NRXN2: variants seen among roughly 807,000 people sequenced by gnomAD.
NRXN2 encodes the protein neurexin-2-beta.
NRXN2 carries 29 observed loss-of-function variants against 128.8 expected under a neutral mutation model. The ratio of observed to expected loss-of-function variants is 0.23; its 90% CI spans 0.17 to 0.31. NRXN2 has a LOEUF of 0.31. Among genes scored for constraint, NRXN2 ranks in the 10% least tolerant of loss-of-function variants. The pLI is 1.00. For synonymous variants in NRXN2, 1,098 were observed against 1,075.2 expected (o/e 1.02, Z -0.41); for missense variants, 1,881 against 2,452.6 (o/e 0.77, Z 4.92).
chr11:64,661,017 G>C lies in NRXN2; in HGVS notation c.1921C>G (p.Leu641Val). The C allele has an allele frequency of 1.2e-6, 2 of 1,613,632 alleles. No homozygotes were observed. Among genetic ancestry groups the C allele is most frequent in the Non-Finnish European group, 1.7e-6 (2 of 1,179,988 alleles). ...LPEGGRVDLP[L>V]PPEVWTAALR... Reference sequence around the variant, plus strand: ...GCTGCTGTCCACACCTCTGGGGGCAGGGGCAGGTCCACCCGGCCCCCCTCA... The same window carrying C: ...GCTGCTGTCCACACCTCTGGGGGCACGGGCAGGTCCACCCGGCCCCCCTCA... The change falls in exon 10 of 23, where the codon CTG (leucine) becomes GTG (valine). Residue 641 changes from leucine (L) to valine (V), a missense_variant. Physicochemically the swap from Leu to Val is conservative, Grantham distance 32 (BLOSUM62 1). Transcript: ENST00000265459.
At position 64,661,018 on chromosome 11, in the gene NRXN2, G is replaced by A; in HGVS notation, c.1920C>T (p.Pro640=). The A allele has an allele frequency of 6.2e-7, 1 of 1,613,644 alleles. No individual in the cohort carries two copies. Among genetic ancestry groups the A allele is most frequent in the African/African-American group, 1.3e-5 (1 of 75,052 alleles). The change falls in exon 10 of 23, where the codon CCC becomes CCT. Residue 640 remains proline, a synonymous_variant. Transcript: ENST00000265459. Reference sequence around the variant, plus strand: ...CTGCTGTCCACACCTCTGGGGGCAGGGGCAGGTCCACCCGGCCCCCCTCAG... The same window carrying A: ...CTGCTGTCCACACCTCTGGGGGCAGAGGCAGGTCCACCCGGCCCCCCTCAG... ...GLPEGGRVDL[P]LPPEVWTAAL... is the part of the protein sequence containing the mutation.
At position 64,611,725 on chromosome 11, in the gene NRXN2, C is replaced by T. The variant is rs1286922532; in HGVS notation, c.4253-3643G>A. On this transcript the variant is annotated intron_variant, in intron 22 of 22. Transcript: ENST00000265459. ...AGCCTTCCTCTGCCCCCAGACTCCT[C>T]CCAGGCCTGCTCACATTGACCTCTT... Among the ~76,000 whole-genome samples the T allele has an allele frequency of 3.3e-5, 5 of 152,176 alleles. No individual in the cohort carries two copies. In the South Asian group the frequency reaches 8.3e-4, roughly 25 times the overall value.
At chr11:64,642,913 G>A (rs755800095) in intron 17 of NRXN2, 205 of 1,028,766 alleles carry the variant, frequency 2.0e-4, no homozygotes, top group Admixed American at 1.5e-3. Flanking sequence ...GCGGGGTAGG[G>A]ATGAAGCGGA....
chr11:64,697,733 G>T, intron 3 of NRXN2, 42 bp downstream of exon 3: 1 of 1,611,968 alleles, frequency 6.2e-7, no homozygotes, highest in East Asian at 2.2e-5. Context: ...GATCCCCATG[G>T]CAACAGATCC....
At chr11:64,669,973 C>A (rs2050407975) in intron 7 of NRXN2, among the ~76,000 whole-genome samples, 1 of 152,072 alleles carries the variant, frequency 6.6e-6, no homozygotes, top group Admixed American at 6.6e-5. Context: ...AGTCTATATG[C>A]ACATGCCACC....
At chr11:64,694,210 C>G (rs535356306) in intron 3 of NRXN2, among the ~76,000 whole-genome samples, 150 of 152,322 alleles carry the variant, frequency 9.8e-4, no homozygotes, top group Admixed American at 1.8e-3. Flanking sequence ...CCCACTCACT[C>G]CCCTGTGGTG....
rs2044628349 is a variant in NRXN2, at chr11:64,635,811, G to A, written c.3404-359C>T. The stretch of plus-strand genomic sequence containing the variant: ...GGAAAGACCCAGGGGGCCCAGTCCT[G>A]ACTAGCTCCACTTCTCCCAGGCCTG... On this transcript the variant is annotated intron_variant, in intron 17 of 22. Transcript: ENST00000265459. This position sits in a 1 kb window ranked among gnomAD's most constrained non-coding sequence, Gnocchi z 4.8. Among the ~76,000 whole-genome samples, 1 of 152,152 alleles carries A rather than the reference G, an allele frequency of 6.6e-6. No homozygotes were observed.
intron 22 of NRXN2, among the ~76,000 whole-genome samples, chr11:64,619,154 G>A (rs752290256): frequency 1.3e-5 from 2 of 151,798 alleles, no homozygotes; most frequent in Admixed American, 6.6e-5. Context: ...CGCAAGCACC[G>A]GCCCCAACCT....
At chr11:64,640,205 A>G (rs2045453880) in intron 17 of NRXN2, among the ~76,000 whole-genome samples, 1 of 152,066 alleles carries the variant, frequency 6.6e-6, no homozygotes, top group Non-Finnish European at 1.5e-5. Flanking sequence ...TAAGGCCAAC[A>G]TTCCATACCC....
rs1044810231 is a variant in NRXN2 at position 64,631,485 on chromosome 11, A to G, written c.3586-912T>C. Among the ~76,000 whole-genome samples the G allele has an allele frequency of 6.6e-6, 1 of 151,916 alleles. No homozygotes were observed. Among genetic ancestry groups the G allele is most frequent in the Non-Finnish European group, 1.5e-5 (1 of 67,978 alleles). On this transcript the variant is annotated intron_variant, in intron 18 of 22. Transcript: ENST00000265459. This position sits in a 1 kb window ranked among gnomAD's most constrained non-coding sequence, Gnocchi z 4.8. Reference sequence around the variant, plus strand: ...TAGAGTGGGAGGGAGGGCTTCACCAAACCCTAAATCATGCCAGGCCCTGAG... The same window carrying G: ...TAGAGTGGGAGGGAGGGCTTCACCAGACCCTAAATCATGCCAGGCCCTGAG...
At position 64,651,694 on chromosome 11, in the gene NRXN2, G is replaced by T; in HGVS notation, c.2537-58C>A. The T allele has an allele frequency of 6.3e-7, 1 of 1,595,746 alleles. No homozygotes were observed. The highest frequency in any genetic ancestry group is 1.1e-5 in the South Asian group (1 of 90,404). On this transcript the variant is annotated intron_variant, in intron 13 of 22. Coordinates refer to ENST00000265459, the MANE Select transcript of NRXN2 (RefSeq NM_015080.4). The surrounding 1 kb of genome is among the most constrained non-coding windows in gnomAD (Gnocchi z 5.9). Reference sequence around the variant, plus strand: ...TGGCTTTGGGGCAGGGCTGGGGCTTGGGTTCCCAGGAGCCTCCCCTCCACA... The same window carrying T: ...TGGCTTTGGGGCAGGGCTGGGGCTTTGGTTCCCAGGAGCCTCCCCTCCACA...
chr11:64,700,219 C>T (rs1293994573), intron 2 of NRXN2, among the ~76,000 whole-genome samples: 1 of 152,178 alleles, frequency 6.6e-6, no homozygotes, highest in Non-Finnish European at 1.5e-5. Context: ...TGGGTAGTCC[C>T]GGCCTCCTCC....
Position 64,651,431 on chromosome 11 carries a change from G to C in NRXN2, c.2742C>G (p.Ala914=). ...CELNARFGLR[A]IVADPVTFKS... ...TGAAGGTGACGGGATCGGCCACGAT[G>C]GCACGCAGGCCAAAGCGAGCATTGA... Residue 914 remains alanine, a synonymous_variant, in exon 14 of 23, where the codon GCC becomes GCG. Coordinates refer to ENST00000265459, the MANE Select transcript of NRXN2 (RefSeq NM_015080.4). This position sits in a 1 kb window ranked among gnomAD's most constrained non-coding sequence, Gnocchi z 5.9. 1 of 1,614,202 alleles carries C rather than the reference G, an allele frequency of 6.2e-7. No homozygotes were observed.
chr11:64,628,871 T>G (rs959565236), intron 19 of NRXN2, among the ~76,000 whole-genome samples: 9 of 152,184 alleles, frequency 5.9e-5, no homozygotes, highest in Non-Finnish European at 1.0e-4. Flanking sequence ...AGGGACTTGA[T>G]GTAGGCTGGC....
intron 18 of NRXN2, among the ~76,000 whole-genome samples, chr11:64,634,695 G>A (rs1489925845): frequency 6.6e-6 from 1 of 152,140 alleles, no homozygotes; most frequent in African/African-American, 2.4e-5. Flanking sequence ...TGGCTAGAGA[G>A]GCAGTAAAGG....
chr11:64,713,287 C>A lies in NRXN2; in HGVS notation c.413G>T (p.Arg138Leu). 1 of 1,381,098 alleles carries A rather than the reference C, an allele frequency of 7.2e-7. No individual in the cohort carries two copies. The highest frequency in any genetic ancestry group is 9.3e-7 in the Non-Finnish European group (1 of 1,071,234). The allele number at this position is 1,381,098 out of a possible 1,614,324, so 85.6% of individuals were successfully genotyped here. ...CACCTGCATCTCGCGCCGCTTGGAG[C>A]GCACCTCGGCGGCGCGGGCCTCGCC... is the stretch of plus-strand genomic sequence containing the variant. ...VDGEARAAEV[R>L]SKRREMQVAS... The change falls in exon 2 of 23, where the codon CGC (arginine) becomes CTC (leucine). Residue 138 changes from arginine to leucine, a missense_variant. By Grantham distance (102) the Arg-to-Leu change is moderately radical. Coordinates refer to ENST00000265459, the MANE Select transcript of NRXN2 (RefSeq NM_015080.4).
At chr11:64,662,115 G>A (rs1027265643) in intron 9 of NRXN2, among the ~76,000 whole-genome samples, 4 of 149,874 alleles carry the variant, frequency 2.7e-5, no homozygotes, top group Non-Finnish European at 4.5e-5. Flanking sequence ...AAAATTAGCC[G>A]GGTGTGTTGG....
At chr11:64,711,444 C>A (rs566523092) in intron 2 of NRXN2, among the ~76,000 whole-genome samples, 2 of 152,172 alleles carry the variant, frequency 1.3e-5, no homozygotes, top group Non-Finnish European at 2.9e-5. Context: ...CCCAGCCAGA[C>A]CCTAATGGAA....
intron 5 of NRXN2, among the ~76,000 whole-genome samples, chr11:64,687,662 G>C (rs1450473920): frequency 6.6e-6 from 1 of 152,188 alleles, no homozygotes; most frequent in South Asian, 2.1e-4. Context: ...AGGAGGGAAG[G>C]AGGGAGGTGG....
Sources: allele counts gnomAD v4.1 joint callset (sites outside exome capture counted in the v4.1 genomes callset), GRCh38; gene constraint gnomAD v4.1.1; non-coding constraint Gnocchi (gnomAD v3.1); transcripts MANE v1.5; gene names NCBI Gene and HGNC (gene_info 2026-07-23, HGNC 2026-07-21).